The following PTH2R variants were observed in gnomAD, a reference collection of about 807,000 sequenced individuals.
PTH2R encodes PTH2 receptor.
PTH2R carries 59 observed loss-of-function variants against 60.3 expected under a neutral mutation model. The ratio of observed to expected loss-of-function variants is 0.98; its 90% CI spans 0.79 to 1.22. The LOEUF is 1.22. PTH2R is among the 50% of genes most tolerant of loss of function. PTH2R has a pLI of 0.00. For synonymous variants in PTH2R, 256 were observed against 243.8 expected (o/e 1.05, Z -0.47); for missense variants, 749 against 682.6 (o/e 1.10, Z -1.08).
chr2:208,470,189 G>C (rs1447061110), intron 9 of PTH2R, among the ~76,000 whole-genome samples: 2 of 152,194 alleles, frequency 1.3e-5, no homozygotes, highest in Non-Finnish European at 2.9e-5. Context: ...GCAGAAACCT[G>C]AGATCTTGAA....
intron 9 of PTH2R, among the ~76,000 whole-genome samples, chr2:208,479,779 C>T (rs574120098): frequency 3.3e-5 from 5 of 152,232 alleles, no homozygotes; most frequent in South Asian, 2.1e-4. Flanking sequence ...AAATTCTAGC[C>T]GATTGGTGGA....
At chr2:208,455,902 A>G (rs1167777162) in intron 8 of PTH2R, among the ~76,000 whole-genome samples, 1 of 152,156 alleles carries the variant, frequency 6.6e-6, no homozygotes. Flanking sequence ...CTTAAACTCT[A>G]TTGATATACA....
chr2:208,430,597 A>G (rs1235309001), intron 2 of PTH2R, among the ~76,000 whole-genome samples: 2 of 141,990 alleles, frequency 1.4e-5, no homozygotes, highest in Admixed American at 1.5e-4. Context: ...CCCAGGCTGG[A>G]GTGCAGTGGC....
chr2:208,475,485 AT>A (rs1301575609), intron 9 of PTH2R, among the ~76,000 whole-genome samples: 1 of 152,202 alleles, frequency 6.6e-6, no homozygotes, highest in Non-Finnish European at 1.5e-5. Context: ...TAGAATTCAT[AT>A]GCTTATTTTT....
chr2:208,451,930 T>G (rs1470517109), intron 8 of PTH2R, among the ~76,000 whole-genome samples: 2 of 152,178 alleles, frequency 1.3e-5, no homozygotes, highest in Non-Finnish European at 2.9e-5. Context: ...AAGAATCCTT[T>G]CTTTATATTT....
chr2:208,460,089 A>T lies in PTH2R; in HGVS notation c.981+128A>T. 5.3e-6 allele frequency: 4 copies of T among 755,648 alleles called. No individual in the cohort carries two copies. The Admixed American group carries it at 9.6e-5, about 18-fold the overall frequency. The allele number at this position is 755,648 out of a possible 1,614,324, so 46.8% of individuals were successfully genotyped here. A position where few individuals can be genotyped will look rare whatever the true frequency, so the allele number is the denominator to read the frequency against. The stretch of plus-strand genomic sequence containing the variant: ...GAAACTGACAAGTACAGCAACATCT[A>T]TTGGGAGAGTCTGGGACAGAGATCA... On this transcript the variant is annotated intron_variant, in intron 9 of 12. Transcript: ENST00000272847.
chr2:208,417,277 C>CT (rs1396358686), intron 1 of PTH2R, among the ~76,000 whole-genome samples: 2 of 151,984 alleles, frequency 1.3e-5, no homozygotes, highest in Non-Finnish European at 2.9e-5. Flanking sequence ...TAAAATTAGT[C>CT]TTTTTTGCTA....
intron 2 of PTH2R, among the ~76,000 whole-genome samples, chr2:208,436,978 T>C (rs1702087740): frequency 6.6e-6 from 1 of 152,166 alleles, no homozygotes. Flanking sequence ...ACTATCGTGG[T>C]GACAGTAGAT....
intron 10 of PTH2R, 124 bp downstream of exon 10, chr2:208,481,288 G>A (rs1257539513): frequency 7.8e-5 from 36 of 463,320 alleles, no homozygotes; most frequent in South Asian, 4.9e-4. Flanking sequence ...GCACAATCTC[G>A]GCTCACTCGC....
Position 208,368,741 on chromosome 2 carries a change from G to A in PTH2R, c.-259+8504G>A, listed in dbSNP as rs1023539771. Among the ~76,000 whole-genome samples the A allele has an allele frequency of 2.0e-5, 3 of 152,278 alleles. No homozygotes were observed. The South Asian group carries it at 6.2e-4, about 32-fold the overall frequency. On this transcript the variant is annotated intron_variant, in intron 1 of 12. Transcript: ENST00000617735. ...AGCATATGGTATCCATAAGCAGGAA[G>A]ACAAAGTCACTCTGTCTCCTCCTCT...
intron 1 of PTH2R, among the ~76,000 whole-genome samples, chr2:208,369,603 C>T (rs1700656474): frequency 6.6e-6 from 1 of 152,050 alleles, no homozygotes; most frequent in Admixed American, 6.5e-5. Flanking sequence ...AGTGATCCGC[C>T]AGCCTCGGCC....
In PTH2R at chr2:208,397,074, A is replaced by G. The variant is rs533117616; in HGVS notation, c.-258-31127A>G. Among the ~76,000 whole-genome samples, 5 of 152,142 alleles carry G rather than the reference A, an allele frequency of 3.3e-5. No homozygotes were observed. The South Asian group carries it at 8.3e-4, about 25-fold the overall frequency. ...CCCAAGGACAGAAAACCAAACCTGC[A>G]TGTTCTCACTCATAGGTGGGAATTG... On this transcript the variant is annotated intron_variant, in intron 1 of 12. Coordinates refer to the PTH2R transcript ENST00000617735.
chr2:208,369,562 C>T (rs1700655575), intron 1 of PTH2R, among the ~76,000 whole-genome samples: 1 of 151,922 alleles, frequency 6.6e-6, no homozygotes. Context: ...GACAGGATTT[C>T]TCCATGTTGG....
At chr2:208,479,611 CCTT>C (rs1312340490) in intron 9 of PTH2R, among the ~76,000 whole-genome samples, 2 of 152,188 alleles carry the variant, frequency 1.3e-5, no homozygotes, top group African/African-American at 4.8e-5. Flanking sequence ...TAGCTTTTCA[CCTT>C]CTTATTAAAA....
chr2:208,402,386 A>G (rs1389349846), upstream of PTH2R, among the ~76,000 whole-genome samples: 2 of 152,180 alleles, frequency 1.3e-5, no homozygotes, highest in Non-Finnish European at 2.9e-5. Flanking sequence ...GAAAACCAGT[A>G]TGTTCCATTT....
intron 2 of PTH2R, among the ~76,000 whole-genome samples, chr2:208,437,191 A>G (rs1350046754): frequency 6.6e-6 from 1 of 152,228 alleles, no homozygotes; most frequent in East Asian, 1.9e-4. Flanking sequence ...AAATGTAGTT[A>G]CAACTTTGGT....
intron 2 of PTH2R, among the ~76,000 whole-genome samples, chr2:208,435,377 A>G (rs544891337): frequency 1.6e-3 from 241 of 152,324 alleles, no homozygotes; most frequent in Middle Eastern, 3.4e-3. Context: ...GGGACTTTGC[A>G]GATGGAATTA....
intron 8 of PTH2R, among the ~76,000 whole-genome samples, chr2:208,457,235 C>T (rs976052292): frequency 6.6e-6 from 1 of 152,202 alleles, no homozygotes; most frequent in Non-Finnish European, 1.5e-5. Context: ...TAATGTGATT[C>T]TGCATAACTC....
intron 8 of PTH2R, among the ~76,000 whole-genome samples, chr2:208,458,073 C>T (rs911025167): frequency 1.3e-5 from 2 of 152,104 alleles, no homozygotes; most frequent in African/African-American, 4.8e-5. Flanking sequence ...TATTAAAGTG[C>T]CAAGTCGTAC....
Sources: allele counts gnomAD v4.1 joint callset (sites outside exome capture counted in the v4.1 genomes callset), GRCh38; gene constraint gnomAD v4.1.1; transcripts MANE v1.5; gene names NCBI Gene and HGNC (gene_info 2026-07-23, HGNC 2026-07-21).